The following TENM4 variants were observed in gnomAD, a reference collection of about 807,000 sequenced individuals.
TENM4 encodes teneurin-4.
Under a neutral mutation model 243.3 loss-of-function variants are expected in TENM4, and 82 were observed. The observed-to-expected ratio is 0.34, with a 90% CI of 0.28 to 0.40. The LOEUF is 0.40. TENM4 is among the 10% of genes least tolerant of loss of function. The pLI is 1.00. For missense variants in TENM4, 3,138 were observed against 3,673.3 expected, an observed-to-expected ratio of 0.85 and a Z score of 3.77; for synonymous variants, 1,412 against 1,456.3, an observed-to-expected ratio of 0.97 and a Z score of 0.69.
At chr11:78,865,830 C>A (rs116020335) in intron 9 of TENM4, among the ~76,000 whole-genome samples, 1 of 152,336 alleles carries the variant, frequency 6.6e-6, no homozygotes, top group African/African-American at 2.4e-5. Context: ...AGTTTTGAAT[C>A]TCAGCTGCCA....
intron 6 of TENM4, among the ~76,000 whole-genome samples, chr11:79,064,182 T>C (rs1427171927): frequency 6.6e-6 from 1 of 152,176 alleles, no homozygotes; most frequent in Non-Finnish European, 1.5e-5. Flanking sequence ...TGCTGTGCAA[T>C]GGATTTCAAA....
intron 1 of TENM4, among the ~76,000 whole-genome samples, chr11:79,401,393 C>T (rs1435196012): frequency 2.0e-5 from 3 of 152,150 alleles, no homozygotes; most frequent in African/African-American, 4.8e-5. Flanking sequence ...GCTGTCTAAC[C>T]CCGGAGCCTC....
intron 2 of TENM4, among the ~76,000 whole-genome samples, chr11:79,221,459 G>A (rs540832): frequency 0.75 from 112,447 of 149,018 alleles, 43,115 homozygotes; most frequent in Non-Finnish European, 0.82. Context: ...TAAAAAGGGG[G>A]AAAAAAAAAC....
At chr11:78,895,331 C>T (rs569220430) in intron 7 of TENM4, among the ~76,000 whole-genome samples, 25 of 121,044 alleles carry the variant, frequency 2.1e-4, no homozygotes, top group Admixed American at 8.8e-4. Flanking sequence ...AGTGAGACTC[C>T]GTCTCCAAAA....
intron 4 of TENM4, among the ~76,000 whole-genome samples, chr11:79,098,989 T>C (rs1360242275): frequency 6.6e-6 from 1 of 152,200 alleles, no homozygotes; most frequent in Non-Finnish European, 1.5e-5. Flanking sequence ...AGATGACACA[T>C]GTAAAAATGG....
At chr11:79,117,964 G>A (rs10751303) in intron 4 of TENM4, among the ~76,000 whole-genome samples, 1 of 152,014 alleles carries the variant, frequency 6.6e-6, no homozygotes, top group Non-Finnish European at 1.5e-5. Context: ...TTATGAAAAG[G>A]CTTGGCAAAT....
At chr11:78,971,157 G>A (rs1459765516) in intron 6 of TENM4, among the ~76,000 whole-genome samples, 20 of 151,428 alleles carry the variant, frequency 1.3e-4, no homozygotes, top group Admixed American at 6.6e-5. Context: ...CCGAGTAGTC[G>A]GGATCATAGG....
At chr11:78,817,617 G>A (rs1235195699) in intron 12 of TENM4, among the ~76,000 whole-genome samples, 3 of 152,192 alleles carry the variant, frequency 2.0e-5, no homozygotes, top group Non-Finnish European at 2.9e-5. Flanking sequence ...GTTTCACTTT[G>A]AATATTCTTT....
intron 4 of TENM4, among the ~76,000 whole-genome samples, chr11:79,124,645 A>ATATGTG (rs1050729366): frequency 9.7e-5 from 13 of 133,858 alleles, no homozygotes; most frequent in African/African-American, 2.5e-4. Context: ...ATATATATAT[A>ATATGTG]TGTGTGTGTG....
chr11:79,234,680 T>G (rs556370874), intron 2 of TENM4, among the ~76,000 whole-genome samples: 1 of 152,200 alleles, frequency 6.6e-6, no homozygotes, highest in Non-Finnish European at 1.5e-5. Flanking sequence ...ATTTAAACAC[T>G]TAATGGGTCT....
intron 2 of TENM4, among the ~76,000 whole-genome samples, chr11:79,220,554 T>C (rs1244525285): frequency 6.6e-6 from 1 of 152,230 alleles, no homozygotes; most frequent in Non-Finnish European, 1.5e-5. Context: ...TCTTCTAGTC[T>C]TAAATGTTCA....
chr11:78,847,249 A>G (rs1858416983), intron 12 of TENM4, among the ~76,000 whole-genome samples: 2 of 152,214 alleles, frequency 1.3e-5, no homozygotes. Flanking sequence ...TCCCACAGAA[A>G]GACAAGCCTT....
intron 15 of TENM4, among the ~76,000 whole-genome samples, chr11:78,797,129 A>G (rs902327539): frequency 1.3e-5 from 2 of 152,228 alleles, no homozygotes; most frequent in African/African-American, 4.8e-5. Context: ...TGTGCAGAGG[A>G]TAAACATGGG....
At chr11:78,809,265 T>G (rs1194990109) in intron 14 of TENM4, among the ~76,000 whole-genome samples, 1 of 152,214 alleles carries the variant, frequency 6.6e-6, no homozygotes, top group Non-Finnish European at 1.5e-5. Flanking sequence ...GACGAGAGGC[T>G]ACCTCCAGGC....
At chr11:78,708,969 CT>C (rs59269770) in intron 26 of TENM4, among the ~76,000 whole-genome samples, 257 of 113,040 alleles carry the variant, frequency 2.3e-3, no homozygotes, top group Non-Finnish European at 3.2e-3. Context: ...CTTTTTCTTT[CT>C]TTTTTTTTTT....
chr11:79,375,617 TA>T (rs1216804721), intron 1 of TENM4, among the ~76,000 whole-genome samples: 1 of 152,212 alleles, frequency 6.6e-6, no homozygotes. Context: ...AACATATATC[TA>T]ACACATACCT....
intron 1 of TENM4, among the ~76,000 whole-genome samples, chr11:79,399,732 T>C (rs1348443730): frequency 1.3e-5 from 2 of 152,198 alleles, no homozygotes; most frequent in Non-Finnish European, 2.9e-5. Context: ...GAAACAGACG[T>C]AGAGTCAAAT....
chr11:78,726,615 G>A (rs921090257), intron 22 of TENM4, among the ~76,000 whole-genome samples: 1 of 152,064 alleles, frequency 6.6e-6, no homozygotes, highest in African/African-American at 2.4e-5. Context: ...ATCATGGGGT[G>A]GATTCTCATG....
intron 26 of TENM4, among the ~76,000 whole-genome samples, chr11:78,708,965 C>CTTTTTTTTTTTTTTTTTTTTTTTT (rs1188328355): frequency 7.5e-6 from 1 of 132,820 alleles, no homozygotes; most frequent in Admixed American, 7.1e-5. Flanking sequence ...CTTTCTTTTT[C>CTTTTTTTTTTTTTTTTTTTTTTTT]TTTCTTTTTT....
Sources: gnomAD v4.1 joint callset for allele counts (sites outside exome capture counted in the v4.1 genomes callset) on GRCh38, gnomAD v4.1.1 for gene constraint, MANE v1.5 for transcripts, NCBI Gene and HGNC (gene_info 2026-07-23, HGNC 2026-07-21) for gene names.